The following NAPA variants were observed in gnomAD, a reference collection of about 807,000 sequenced individuals.
The protein encoded by NAPA is NSF attachment protein alpha.
NAPA carries 18 observed loss-of-function variants against 48.0 expected under a neutral mutation model. That is an observed-to-expected ratio of 0.38 (90% CI 0.26 to 0.56). The LOEUF is 0.56. Ranked by LOEUF, NAPA falls within the 20% of genes least tolerant of loss-of-function variation. The probability of loss-of-function intolerance (pLI) is 0.77; values close to 1 mark genes in which losing one functional copy is unlikely to be tolerated. For missense variants in NAPA, 315 were observed against 385.0 expected (o/e 0.82, Z 1.52); for synonymous variants, 152 against 149.9 (o/e 1.01, Z -0.10).
chr19:47,503,782 G>A (rs1218349482), intron 1 of NAPA, among the ~76,000 whole-genome samples: 1 of 152,174 alleles, frequency 6.6e-6, no homozygotes, highest in African/African-American at 2.4e-5. Context: ...CAACCCCAGG[G>A]TCTGACAGCC....
At chr19:47,500,267 A>C (rs1002369498) in intron 3 of NAPA, among the ~76,000 whole-genome samples, 11 of 151,708 alleles carry the variant, frequency 7.3e-5, no homozygotes, top group African/African-American at 2.7e-4. Context: ...CGCCCCCCAC[A>C]CCGCTCCCTT....
At chr19:47,494,035 G>T (rs899840913) in intron 4 of NAPA, among the ~76,000 whole-genome samples, 1 of 152,186 alleles carries the variant, frequency 6.6e-6, no homozygotes, top group Non-Finnish European at 1.5e-5. Flanking sequence ...AAGGGGCCTC[G>T]CACCTTCCAT....
intron 10 of NAPA, 75 bp from the exon 11 acceptor site, chr19:47,488,464 A>G: frequency 1.7e-6 from 2 of 1,182,492 alleles, no homozygotes; most frequent in South Asian, 2.6e-5. Flanking sequence ...CACTTGTCCC[A>G]AGGTTTTCAA....
At chr19:47,499,553 G>T (rs1423046749) in intron 3 of NAPA, among the ~76,000 whole-genome samples, 1 of 152,256 alleles carries the variant, frequency 6.6e-6, no homozygotes, top group Non-Finnish European at 1.5e-5. Context: ...TTACAAGGCT[G>T]CTCCTCGGCC....
chr19:47,496,407 G>A (rs35400373), intron 3 of NAPA: 17,937 of 152,560 alleles, frequency 0.12, 1,202 homozygotes, highest in East Asian at 0.22. Context: ...TTATTTGGAG[G>A]AGAGAGAAAA....
At position 47,493,274 on chromosome 19, in the gene NAPA, G is replaced by A; in HGVS notation, c.421-100C>T. On this transcript the variant is annotated intron_variant, in intron 5 of 10. Transcript: ENST00000263354. The surrounding 1 kb of genome is among the most constrained non-coding windows in gnomAD (Gnocchi z 6.4). ...CTCCGCCCTGCCTGCCTGGGACACA[G>A]CCAGACCCCATTCTCCAAGCTCTGC... 1 of 1,487,018 alleles carries A rather than the reference G, an allele frequency of 6.7e-7. No individual in the cohort carries two copies. The highest frequency in any genetic ancestry group is 1.7e-5 in the Admixed American group (1 of 57,316). 92.1% of individuals were successfully genotyped at this position (1,487,018 alleles called of 1,614,324 possible).
chr19:47,490,675 C>CAAAACAAAACA (rs139535582), intron 9 of NAPA, 113 bp downstream of exon 9: 15 of 890,822 alleles, frequency 1.7e-5, no homozygotes, highest in Admixed American at 5.7e-5. Context: ...CAAAACAAAA[C>CAAAACAAAACA]AAAGACACCC....
At chr19:47,510,174 C>G (rs767728802) in intron 1 of NAPA, among the ~76,000 whole-genome samples, 1 of 152,226 alleles carries the variant, frequency 6.6e-6, no homozygotes, top group African/African-American at 2.4e-5. Flanking sequence ...GGTTTCTGCA[C>G]GCTCTGCAGA....
intron 1 of NAPA, among the ~76,000 whole-genome samples, chr19:47,509,964 C>T (rs1189651603): frequency 6.6e-6 from 1 of 152,190 alleles, no homozygotes. Flanking sequence ...AAAAAGGAGA[C>T]GGAAATGTTT....
chr19:47,508,754 C>T (rs762012690), intron 1 of NAPA, among the ~76,000 whole-genome samples: 1 of 152,028 alleles, frequency 6.6e-6, no homozygotes, highest in Non-Finnish European at 1.5e-5. Context: ...CCTCCTGCCT[C>T]TGCTCCCAAA....
intron 7 of NAPA, chr19:47,492,374 T>C (rs1968294363): frequency 4.0e-6 from 2 of 493,954 alleles, no homozygotes; most frequent in Admixed American, 3.4e-5. Context: ...GTGGGCCTTC[T>C]GAGAGCCTGA....
At chr19:47,494,169 G>C (rs374742677) in intron 4 of NAPA, among the ~76,000 whole-genome samples, 1 of 152,198 alleles carries the variant, frequency 6.6e-6, no homozygotes, top group East Asian at 1.9e-4. Flanking sequence ...ACCTTGTTTC[G>C]GGTCTCAGTG....
intron 3 of NAPA, 174 bp from the exon 4 acceptor site, chr19:47,495,770 C>T: frequency 4.7e-6 from 3 of 632,566 alleles, no homozygotes; most frequent in Admixed American, 5.2e-5. Flanking sequence ...GGGACGGAAT[C>T]CCTGAGCCCC....
chr19:47,489,580 GA>G, intron 10 of NAPA, 130 bp downstream of exon 10: 1 of 1,038,232 alleles, frequency 9.6e-7, no homozygotes, highest in African/African-American at 1.6e-5. Context: ...GGTGACTGGA[GA>G]AAGAACTTCA....
In NAPA at chr19:47,493,365, A is replaced by C; in HGVS notation, c.420+51T>G. 1 of 1,592,062 alleles carries C rather than the reference A, an allele frequency of 6.3e-7. No homozygotes were observed. The highest frequency in any genetic ancestry group is 1.1e-5 in the South Asian group (1 of 90,646). On this transcript the variant is annotated intron_variant, in intron 5 of 10. Coordinates refer to ENST00000263354, the MANE Select transcript of NAPA (RefSeq NM_003827.4). The surrounding 1 kb of genome is among the most constrained non-coding windows in gnomAD (Gnocchi z 6.4). ...GACTCCCCTGGTGGGAAGAAGAGAG[A>C]GCAGCACTGGTCCTGGCTGCCAGCC...
chr19:47,493,187 GGGGGATGGGTTCCA>G lies in NAPA; in HGVS notation c.421-27_421-14del. 1 of 1,578,832 alleles carries G rather than the reference GGGGGATGGGTTCCA, an allele frequency of 6.3e-7. No homozygotes were observed. The highest frequency in any genetic ancestry group is 8.6e-7 in the Non-Finnish European group (1 of 1,159,532). On this transcript the variant is annotated splice_polypyrimidine_tract_variant and intron_variant, in intron 5 of 10. Transcript: ENST00000263354. This position sits in a 1 kb window ranked among gnomAD's most constrained non-coding sequence, Gnocchi z 6.4. ...AGTGGGCAATGGCCTGGGGAGACACGGGGGATGGGTTCCAGGGGAGGGCAGGGAAGGGAGAGGAG... is the reference window on the plus strand; with the variant it reads ...AGTGGGCAATGGCCTGGGGAGACACGGGGGAGGGCAGGGAAGGGAGAGGAG...
chr19:47,488,153 C>G lies in NAPA; in HGVS notation c.*135G>C. 1.3e-6 allele frequency: 1 copy of G among 757,930 alleles called. No individual in the cohort carries two copies. Among genetic ancestry groups the G allele is most frequent in the Non-Finnish European group, 2.1e-6 (1 of 465,592 alleles). 47.0% of individuals were successfully genotyped at this position (757,930 alleles called of 1,614,324 possible). ...CCTCTGGCGCCCCTGCATGCTGACC[C>G]CCGGTGCCACCTGCCCACTGTGGCC... is the stretch of plus-strand genomic sequence containing the variant. On this transcript the variant is annotated 3_prime_UTR_variant, in exon 11 of 11. Coordinates refer to ENST00000263354, the MANE Select transcript of NAPA (RefSeq NM_003827.4).
chr19:47,493,642 G>A lies in NAPA; in HGVS notation c.343-149C>T. 1 of 685,916 alleles carries A rather than the reference G, an allele frequency of 1.5e-6. No homozygotes were observed. Among genetic ancestry groups the A allele is most frequent in the Non-Finnish European group, 2.6e-6 (1 of 383,202 alleles). 42.5% of individuals were successfully genotyped at this position (685,916 alleles called of 1,614,324 possible). On this transcript the variant is annotated intron_variant, in intron 4 of 10. Transcript: ENST00000263354. The surrounding 1 kb of genome is among the most constrained non-coding windows in gnomAD (Gnocchi z 6.4). ...GAGGTGTGAAGAAGATCGAGAGGTG[G>A]GGGAACACAGGAGTGAGAAGGGAGG...
At chr19:47,495,695 A>G in intron 3 of NAPA, 99 bp from the exon 4 acceptor site, 1 of 1,140,086 alleles carries the variant, frequency 8.8e-7, no homozygotes, top group Non-Finnish European at 1.3e-6. Flanking sequence ...GGCTGCCAGC[A>G]GAGAGATCAA....
Sources: gnomAD v4.1 joint callset for allele counts (sites outside exome capture counted in the v4.1 genomes callset) on GRCh38, gnomAD v4.1.1 for gene constraint, Gnocchi (gnomAD v3.1) non-coding constraint, MANE v1.5 for transcripts, NCBI Gene and HGNC (gene_info 2026-07-23, HGNC 2026-07-21) for gene names.